Variants in CDH19 observed in about 807,000 individuals in gnomAD.
CDH19 encodes cadherin 19.
Under a neutral mutation model 64.2 loss-of-function variants are expected in CDH19, and 67 were observed. The observed-to-expected ratio is 1.04, with a 90% CI of 0.86 to 1.28. The LOEUF is 1.28. Ranked by LOEUF, CDH19 falls within the 50% of genes most tolerant of loss-of-function variation. The pLI, the probability that CDH19 is intolerant of heterozygous loss-of-function variation, is 0.00. For missense variants in CDH19, 1,030 were observed against 929.0 expected, an observed-to-expected ratio of 1.11 and a Z score of -1.41; for synonymous variants, 346 against 319.3, an observed-to-expected ratio of 1.08 and a Z score of -0.89.
intron 9 of CDH19, among the ~76,000 whole-genome samples, chr18:66,519,011 C>T (rs972829662): frequency 5.9e-5 from 9 of 152,212 alleles, no homozygotes; most frequent in East Asian, 5.8e-4. Context: ...ATATCACACA[C>T]GTATGATGAC....
At chr18:66,594,916 T>C (rs1380641211) in intron 1 of CDH19, among the ~76,000 whole-genome samples, 1 of 148,942 alleles carries the variant, frequency 6.7e-6, no homozygotes, top group Admixed American at 6.7e-5. Context: ...GATAACGAGT[T>C]AGTGGGTGCA....
chr18:66,522,324 C>T (rs981699018), intron 9 of CDH19, among the ~76,000 whole-genome samples: 5 of 151,904 alleles, frequency 3.3e-5, no homozygotes, highest in Middle Eastern at 3.4e-3. Flanking sequence ...CTCACTGCAA[C>T]CTCCACCTCC....
In CDH19 at chr18:66,502,411, C is replaced by T. The variant is rs1411378659; in HGVS notation, c.*2401G>A. 6.6e-6 allele frequency: 1 copy of T among 151,932 alleles called. No homozygotes were observed. The highest frequency in any genetic ancestry group is 1.5e-5 in the Non-Finnish European group (1 of 67,918). 9.4% of individuals were successfully genotyped at this position (151,932 alleles called of 1,614,324 possible). On this transcript the variant is annotated 3_prime_UTR_variant, in exon 12 of 12. Coordinates refer to ENST00000262150, the MANE Select transcript of CDH19 (RefSeq NM_021153.4). ...TTTGTACAGGTATTCCATTAATGTG[C>T]ATTTTAATGAGTTGTTTATCCAAAT...
intron 9 of CDH19, among the ~76,000 whole-genome samples, chr18:66,518,120 G>T (rs1985817797): frequency 1.3e-5 from 2 of 151,782 alleles, no homozygotes. Flanking sequence ...ATAAAGTTTT[G>T]ATTATCGATT....
intron 3 of CDH19, among the ~76,000 whole-genome samples, chr18:66,564,162 A>G (rs936896318): frequency 6.6e-6 from 1 of 151,904 alleles, no homozygotes; most frequent in African/African-American, 2.4e-5. Context: ...ATATTTCTAT[A>G]AAAGCTCTCC....
chr18:66,600,140 G>A (rs1405680854), intron 1 of CDH19, among the ~76,000 whole-genome samples: 1 of 151,732 alleles, frequency 6.6e-6, no homozygotes, highest in Non-Finnish European at 1.5e-5. Flanking sequence ...TAATCTAAAT[G>A]CGTGACTGGG....
At chr18:66,574,946 T>G (rs1365520169) in intron 1 of CDH19, among the ~76,000 whole-genome samples, 1 of 151,812 alleles carries the variant, frequency 6.6e-6, no homozygotes, top group Non-Finnish European at 1.5e-5. Flanking sequence ...CAATGATTTT[T>G]GTAAAGAGAT....
chr18:66,511,027 A>G (rs369115697), intron 10 of CDH19, among the ~76,000 whole-genome samples: 2 of 151,774 alleles, frequency 1.3e-5, no homozygotes, highest in African/African-American at 4.8e-5. Context: ...ACCTCTACAG[A>G]AAGGAAAAAT....
In CDH19 at chr18:66,509,199, C is replaced by T. The variant is rs1440284311; in HGVS notation, c.1624G>A (p.Glu542Lys). 6.2e-7 allele frequency: 1 copy of T among 1,612,512 alleles called. No homozygotes were observed. The change falls in exon 11 of 12, where the codon GAA becomes AAA. Residue 542 changes from glutamate (E) to lysine (K), a missense_variant. Coordinates refer to ENST00000262150, the MANE Select transcript of CDH19 (RefSeq NM_021153.4). Reference protein sequence around the residue: ...LTNRTGFNLQEEPVFYISILI... With the variant: ...LTNRTGFNLQKEPVFYISILI... ...ATGGAGATGTAGAAGACAGGTTCTT[C>T]TTGAAGGTTAAAACCAGTTCTATTA... is the stretch of plus-strand genomic sequence containing the variant.
At chr18:66,585,009 A>G (rs751385558) in intron 1 of CDH19, among the ~76,000 whole-genome samples, 22 of 152,018 alleles carry the variant, frequency 1.4e-4, no homozygotes, top group Non-Finnish European at 2.2e-4. Context: ...AATAGCCAAA[A>G]TCCATTCACT....
intron 5 of CDH19, 37 bp from the exon 6 acceptor site, chr18:66,544,940 C>G (rs752851477): frequency 1.4e-6 from 2 of 1,397,896 alleles, no homozygotes; most frequent in African/African-American, 2.9e-5. Flanking sequence ...TGGATAAATA[C>G]TTAATATAGA....
chr18:66,507,720 T>A (rs1160802243), intron 11 of CDH19, among the ~76,000 whole-genome samples: 1 of 151,920 alleles, frequency 6.6e-6, no homozygotes, highest in Admixed American at 6.6e-5. Context: ...AGACGTTCTC[T>A]TATACATTCC....
At chr18:66,524,542 G>GTATATATCTATATA (rs1986136777) in intron 9 of CDH19, among the ~76,000 whole-genome samples, 1 of 94,558 alleles carries the variant, frequency 1.1e-5, no homozygotes, top group African/African-American at 3.0e-5. Flanking sequence ...ATGTTTGTGT[G>GTATATATCTATATA]TATATATATA....
intron 9 of CDH19, among the ~76,000 whole-genome samples, chr18:66,525,822 C>A (rs911109455): frequency 7.2e-5 from 11 of 152,016 alleles, no homozygotes; most frequent in African/African-American, 2.7e-4. Context: ...CTTTCAGATG[C>A]TTATAGGACT....
At chr18:66,513,878 G>A (rs11151283) in intron 9 of CDH19, among the ~76,000 whole-genome samples, 66,289 of 151,032 alleles carry the variant, frequency 0.44, 15,254 homozygotes, top group African/African-American at 0.57. Context: ...TGCTCTCTAC[G>A]TAGAATGTTG....
At chr18:66,558,231 G>C (rs951928166) in intron 3 of CDH19, among the ~76,000 whole-genome samples, 9 of 149,944 alleles carry the variant, frequency 6.0e-5, no homozygotes, top group African/African-American at 2.2e-4. Flanking sequence ...CAAATATTTA[G>C]TGCTTGTAGT....
chr18:66,532,066 A>C (rs1986465785), intron 8 of CDH19, among the ~76,000 whole-genome samples: 1 of 152,070 alleles, frequency 6.6e-6, no homozygotes, highest in Admixed American at 6.5e-5. Context: ...TCCTAGGCTC[A>C]AGCGATTCTC....
At chr18:66,517,717 G>A (rs1598972618) in intron 9 of CDH19, among the ~76,000 whole-genome samples, 1 of 151,926 alleles carries the variant, frequency 6.6e-6, no homozygotes, top group South Asian at 2.1e-4. Context: ...GTTTGAGCAT[G>A]TGGGAAATGA....
chr18:66,526,788 T>G (rs980482064), intron 9 of CDH19, among the ~76,000 whole-genome samples: 1 of 152,032 alleles, frequency 6.6e-6, no homozygotes, highest in Non-Finnish European at 1.5e-5. Flanking sequence ...AAAGTTTGTG[T>G]GAAGAATGAC....
Sources: allele counts gnomAD v4.1 joint callset (sites outside exome capture counted in the v4.1 genomes callset), GRCh38; gene constraint gnomAD v4.1.1; transcripts MANE v1.5; gene names NCBI Gene and HGNC (gene_info 2026-07-23, HGNC 2026-07-21).